MAD1L1: variants seen among roughly 807,000 people sequenced by gnomAD.
MAD1L1 encodes mitotic arrest deficient 1 like 1, also known as mitotic spindle assembly checkpoint protein MAD1.
In MAD1L1, 95 loss-of-function variants were observed where a neutral mutation model predicts 96.9. That is an observed-to-expected ratio of 0.98 (90% CI 0.83 to 1.16). The LOEUF (loss-of-function observed/expected upper bound fraction) is 1.16, where lower values mean the gene tolerates loss of function less well. MAD1L1 is among the 50% of genes most tolerant of loss of function. The pLI, the probability that MAD1L1 is intolerant of heterozygous loss-of-function variation, is 0.00. For missense variants in MAD1L1, 1,007 were observed against 954.4 expected, an observed-to-expected ratio of 1.06 and a Z score of -0.73; for synonymous variants, 473 against 396.6, an observed-to-expected ratio of 1.19 and a Z score of -2.29.
intron 18 of MAD1L1, among the ~76,000 whole-genome samples, chr7:1,820,166 C>T (rs1405656930): frequency 2.0e-5 from 3 of 152,080 alleles, no homozygotes; most frequent in Non-Finnish European, 4.4e-5. Flanking sequence ...GGAAATTAAA[C>T]AGCACACTTC....
intron 17 of MAD1L1, among the ~76,000 whole-genome samples, chr7:1,914,907 C>T (rs951202881): frequency 6.6e-6 from 1 of 152,262 alleles, no homozygotes; most frequent in South Asian, 2.1e-4. Context: ...AGTGCCGCGC[C>T]GGCCCTGCTG....
At chr7:1,894,680 G>T (rs1286788745) in intron 18 of MAD1L1, among the ~76,000 whole-genome samples, 1 of 152,174 alleles carries the variant, frequency 6.6e-6, no homozygotes, top group Non-Finnish European at 1.5e-5. Context: ...GCGCAGGAAG[G>T]TCTGGGAGGC....
At position 1,995,608 on chromosome 7, in the gene MAD1L1, GAC is replaced by G. The variant is rs1781520981; in HGVS notation, c.1416+6455_1416+6456del. ...CTGGAGAGGAGGAGAGTGAGCTAAG[GAC>G]ACAGTCTCAGACTTTGAGCCATTCC... On this transcript the variant is annotated intron_variant, in intron 14 of 18. Transcript: ENST00000265854. Among the ~76,000 whole-genome samples, 3 of 152,266 alleles carry G rather than the reference GAC, an allele frequency of 2.0e-5. No homozygotes were observed. In the East Asian group the frequency reaches 5.8e-4, roughly 29 times the overall value.
In MAD1L1 at chr7:1,854,539, G is replaced by A. The variant is rs556903936; in HGVS notation, c.1999-38311C>T. 2.0e-5 allele frequency among the ~76,000 whole-genome samples: 3 copies of A among 152,168 alleles called. No individual in the cohort carries two copies. The East Asian group carries it at 5.8e-4, about 29-fold the overall frequency. On this transcript the variant is annotated intron_variant, in intron 18 of 18. Coordinates refer to ENST00000265854, the MANE Select transcript of MAD1L1 (RefSeq NM_001013836.2). ...ACGGGGGAAGGGGCGGGGGGACTCT[G>A]GGGTCCCCTCTATAAGGATGTTAAT...
At chr7:1,966,291 C>A (rs1037069773) in intron 15 of MAD1L1, among the ~76,000 whole-genome samples, 1 of 152,180 alleles carries the variant, frequency 6.6e-6, no homozygotes, top group Admixed American at 6.5e-5. Context: ...TCACAATGCT[C>A]AGGACATAAC....
intron 18 of MAD1L1, chr7:1,849,152 A>G (rs549063440): frequency 4.6e-5 from 7 of 153,412 alleles, no homozygotes; most frequent in Non-Finnish European, 8.7e-5. Context: ...ACACATGCAC[A>G]CACACACACG....
chr7:2,109,850 C>T (rs547817420), intron 11 of MAD1L1, among the ~76,000 whole-genome samples: 1 of 152,300 alleles, frequency 6.6e-6, no homozygotes, highest in East Asian at 1.9e-4. Flanking sequence ...TTACAGGATA[C>T]GCTAATTATT....
rs371018264 is a variant in MAD1L1, at chr7:1,986,214, C to T, written c.1417-5673G>A. Among the ~76,000 whole-genome samples the T allele has an allele frequency of 8.5e-5, 13 of 152,278 alleles. No individual in the cohort carries two copies. The East Asian group carries it at 1.7e-3, about 20-fold the overall frequency. On this transcript the variant is annotated intron_variant, in intron 14 of 18. Transcript: ENST00000265854. ...CCCTCCGGCAGGAGAGAAAGGACAC[C>T]GTGAGTTTTCCTAAGAGCAAATGTT...
At chr7:1,896,497 C>T (rs937319256) in intron 18 of MAD1L1, among the ~76,000 whole-genome samples, 2 of 152,184 alleles carry the variant, frequency 1.3e-5, no homozygotes, top group African/African-American at 2.4e-5. Flanking sequence ...TACTTGCTGA[C>T]GGTGTTTTTA....
chr7:2,138,749 T>C lies in MAD1L1; in HGVS notation c.1073+10403A>G, dbSNP rs376827679. Among the ~76,000 whole-genome samples the C allele has an allele frequency of 1.4e-3, 220 of 152,042 alleles. 5 individuals carry two copies. In the South Asian group the frequency reaches 0.033, roughly 22 times the overall value. On this transcript the variant is annotated intron_variant, in intron 11 of 18. Coordinates refer to ENST00000265854, the MANE Select transcript of MAD1L1 (RefSeq NM_001013836.2). ...TGCACATACCCTTCAAAGAAACCCA[T>C]TGAGGGTGGAACTGACCCTAATACA...
rs559508481 is a variant in MAD1L1, at chr7:2,004,012, C to A, written c.1360-1891G>T. 2.0e-5 allele frequency among the ~76,000 whole-genome samples: 3 copies of A among 152,314 alleles called. No individual in the cohort carries two copies. The South Asian group carries it at 6.2e-4, about 32-fold the overall frequency. The stretch of plus-strand genomic sequence containing the variant: ...CACTTCACCGAGCTGCAGCCCTGGG[C>A]ACTCCCGGGGGCACAGGGAGCCGGG... On this transcript the variant is annotated intron_variant, in intron 13 of 18. Coordinates refer to ENST00000265854, the MANE Select transcript of MAD1L1 (RefSeq NM_001013836.2).
intron 17 of MAD1L1, among the ~76,000 whole-genome samples, chr7:1,916,155 G>T (rs975239719): frequency 6.6e-6 from 1 of 152,326 alleles, no homozygotes; most frequent in South Asian, 2.1e-4. Flanking sequence ...AACACCGGGA[G>T]GGTGTGGGGC....
chr7:1,827,355 G>T (rs1782449442), intron 18 of MAD1L1, among the ~76,000 whole-genome samples: 1 of 152,222 alleles, frequency 6.6e-6, no homozygotes, highest in African/African-American at 2.4e-5. Context: ...GGTGAGGAGG[G>T]AGGAGCTGCA....
chr7:1,825,949 C>T (rs141748142), intron 18 of MAD1L1, among the ~76,000 whole-genome samples: 161 of 152,188 alleles, frequency 1.1e-3, no homozygotes, highest in African/African-American at 3.2e-3. Flanking sequence ...TGGAGGCCAG[C>T]ACGGTCCCAG....
At chr7:1,900,515 G>A (rs1787180080) in intron 17 of MAD1L1, among the ~76,000 whole-genome samples, 1 of 152,186 alleles carries the variant, frequency 6.6e-6, no homozygotes, top group Admixed American at 6.5e-5. Context: ...CGAGGCTGGG[G>A]CCCTTGATGA....
At chr7:1,846,801 G>A (rs1281019769) in intron 18 of MAD1L1, 1 of 187,916 alleles carries the variant, frequency 5.3e-6, no homozygotes, top group African/African-American at 2.4e-5. Flanking sequence ...TTCATTCTTT[G>A]CAAAGAATAC....
At chr7:1,844,458 A>G (rs1783474344) in intron 18 of MAD1L1, among the ~76,000 whole-genome samples, 1 of 152,122 alleles carries the variant, frequency 6.6e-6, no homozygotes, top group South Asian at 2.1e-4. Context: ...GGTGTGGGAC[A>G]TGGACGGCAT....
chr7:2,113,093 G>C (rs952661871), intron 11 of MAD1L1, among the ~76,000 whole-genome samples: 1 of 145,412 alleles, frequency 6.9e-6, no homozygotes, highest in Non-Finnish European at 1.6e-5. Context: ...AAACGGGGAC[G>C]AGGGGCAGAG....
At position 2,230,255 on chromosome 7, in the gene MAD1L1, A is replaced by G. The variant is rs1794127210; in HGVS notation, c.-10-112T>C. 6.8e-6 allele frequency: 5 copies of G among 735,518 alleles called. No individual in the cohort carries two copies. In the South Asian group the frequency reaches 7.3e-5, roughly 11 times the overall value. The allele number at this position is 735,518 out of a possible 1,614,324, so 45.6% of individuals were successfully genotyped here. ...ACTCCCCTAACGCACATTGGAGCTCATAATACACCCATGCCTGTAACCACA... is the reference window on the plus strand; with the variant it reads ...ACTCCCCTAACGCACATTGGAGCTCGTAATACACCCATGCCTGTAACCACA... On this transcript the variant is annotated intron_variant, in intron 2 of 18. Transcript: ENST00000265854.
Sources: gnomAD v4.1 joint callset for allele counts (sites outside exome capture counted in the v4.1 genomes callset) on GRCh38, gnomAD v4.1.1 for gene constraint, MANE v1.5 for transcripts, NCBI Gene and HGNC (gene_info 2026-07-23, HGNC 2026-07-21) for gene names.